Variants in GRK3 observed in about 807,000 individuals in gnomAD.
The protein encoded by GRK3 is G protein-coupled receptor kinase 3, also known as adrenergic, beta, receptor kinase 2.
Under a neutral mutation model 95.7 loss-of-function variants are expected in GRK3, and 54 were observed. That is an observed-to-expected ratio of 0.56 (90% confidence interval 0.45 to 0.71). The LOEUF (loss-of-function observed/expected upper bound fraction) is 0.71. GRK3 is among the 30% of genes least tolerant of loss of function. The probability of loss-of-function intolerance (pLI) is 0.00; values close to 1 mark genes in which losing one functional copy is unlikely to be tolerated. For synonymous variants in GRK3, 281 were observed against 290.8 expected (o/e 0.97, Z 0.34); for missense variants, 649 against 851.2 (o/e 0.76, Z 2.96).
At chr22:25,703,405 G>T (rs2085273547) in intron 13 of GRK3, 105 bp from the exon 14 acceptor site, 2 of 774,968 alleles carry the variant, frequency 2.6e-6, no homozygotes, top group South Asian at 4.0e-5. Flanking sequence ...CTCCAGTTTT[G>T]AATGAATAGT....
At chr22:25,579,681 C>T (rs1408617431) in intron 1 of GRK3, among the ~76,000 whole-genome samples, 2 of 151,874 alleles carry the variant, frequency 1.3e-5, no homozygotes, top group African/African-American at 2.4e-5. Flanking sequence ...ACCGCGTTAG[C>T]CAGGATGGTC....
At position 25,661,605 on chromosome 22, in the gene GRK3, G is replaced by A. The variant is rs2084910015; in HGVS notation, c.294G>A (p.Glu98=). The A allele has an allele frequency of 6.2e-6, 10 of 1,612,682 alleles. No individual in the cohort carries two copies. In the South Asian group the frequency reaches 8.8e-5, roughly 14 times the overall value. ...EIKEYEKLDN[E]EDRLCRSRQI... ...AGGAATATGAAAAACTTGATAATGA[G>A]GAAGACCGCCTTTGCAGAAGTCGAC... The change falls in exon 4 of 21, where the codon GAG becomes GAA. Residue 98 remains glutamate, a synonymous_variant. Coordinates refer to ENST00000324198, the MANE Select transcript of GRK3 (RefSeq NM_005160.4).
chr22:25,631,301 A>G (rs2084662446), intron 2 of GRK3, among the ~76,000 whole-genome samples: 1 of 152,224 alleles, frequency 6.6e-6, no homozygotes, highest in African/African-American at 2.4e-5. Flanking sequence ...CCTCTGTATT[A>G]CCAAGAACCT....
chr22:25,619,774 C>T (rs974009369), intron 2 of GRK3, among the ~76,000 whole-genome samples: 2 of 150,500 alleles, frequency 1.3e-5, no homozygotes, highest in African/African-American at 2.4e-5. Flanking sequence ...TTATGAGCCA[C>T]TGAGCCAGAC....
chr22:25,586,590 C>CAG (rs1226002399), intron 1 of GRK3, among the ~76,000 whole-genome samples: 1 of 152,276 alleles, frequency 6.6e-6, no homozygotes, highest in Non-Finnish European at 1.5e-5. Flanking sequence ...GCAGTAGGAA[C>CAG]AGAGGTGGGA....
chr22:25,721,231 A>T, intron 19 of GRK3, 53 bp from the exon 20 acceptor site: 4 of 1,002,662 alleles, frequency 4.0e-6, no homozygotes, highest in Non-Finnish European at 6.0e-6. Context: ...TGGTATTACT[A>T]CTTAAGAAAT....
intron 13 of GRK3, among the ~76,000 whole-genome samples, chr22:25,698,147 A>G (rs2085225613): frequency 6.9e-6 from 1 of 143,900 alleles, no homozygotes; most frequent in African/African-American, 2.6e-5. Context: ...GGGAGGAAGG[A>G]AGGAAGGAAG....
chr22:25,668,611 T>A (rs2084958205), intron 6 of GRK3, among the ~76,000 whole-genome samples: 2 of 152,258 alleles, frequency 1.3e-5, no homozygotes, highest in East Asian at 1.9e-4. Context: ...GTTGGGAAAC[T>A]AATATTCTTA....
At chr22:25,583,811 A>C (rs1932189091) in intron 1 of GRK3, among the ~76,000 whole-genome samples, 1 of 152,238 alleles carries the variant, frequency 6.6e-6, no homozygotes, top group South Asian at 2.1e-4. Context: ...GCTGTGGCAA[A>C]GATTTGATTC....
At chr22:25,690,101 T>G in intron 11 of GRK3, 88 bp from the exon 12 acceptor site, 1 of 862,864 alleles carries the variant, frequency 1.2e-6, no homozygotes, top group Non-Finnish European at 1.9e-6. Context: ...GATAAAATAG[T>G]GAGATATCAG....
intron 1 of GRK3, among the ~76,000 whole-genome samples, chr22:25,570,686 G>T (rs1931664892): frequency 6.6e-6 from 1 of 152,184 alleles, no homozygotes; most frequent in South Asian, 2.1e-4. Flanking sequence ...TGTATGGTAA[G>T]TAATTTGCAT....
chr22:25,631,843 T>C (rs2084666336), intron 2 of GRK3, among the ~76,000 whole-genome samples: 1 of 152,216 alleles, frequency 6.6e-6, no homozygotes, highest in Non-Finnish European at 1.5e-5. Context: ...ACTTAGCATG[T>C]AACCTTTTGT....
At chr22:25,599,436 CA>C (rs2084394051) in intron 1 of GRK3, among the ~76,000 whole-genome samples, 2 of 151,726 alleles carry the variant, frequency 1.3e-5, no homozygotes, top group African/African-American at 4.8e-5. Context: ...ACTAAAAATA[CA>C]AAATATTAGC....
At chr22:25,636,994 A>G (rs1207573695) in intron 2 of GRK3, among the ~76,000 whole-genome samples, 1 of 152,190 alleles carries the variant, frequency 6.6e-6, no homozygotes, top group Non-Finnish European at 1.5e-5. Context: ...ATCAGTGTAA[A>G]AAGATCCACC....
chr22:25,565,247 C>G (rs1931421158), intron 1 of GRK3, 94 bp downstream of exon 1: 2 of 523,252 alleles, frequency 3.8e-6, no homozygotes, highest in South Asian at 2.8e-5. Flanking sequence ...CGCTGAGCCT[C>G]CGCTGCCCCG....
chr22:25,694,622 T>A (rs1361562216), intron 12 of GRK3, among the ~76,000 whole-genome samples: 1 of 152,168 alleles, frequency 6.6e-6, no homozygotes, highest in African/African-American at 2.4e-5. Flanking sequence ...TTGGTGACCA[T>A]GACCAAGCCG....
chr22:25,717,874 G>T (rs569472046), intron 18 of GRK3, among the ~76,000 whole-genome samples: 2 of 152,170 alleles, frequency 1.3e-5, no homozygotes, highest in African/African-American at 4.8e-5. Context: ...CCAACCCCAC[G>T]TAAAGGCGAA....
chr22:25,694,161 G>T (rs952047985), intron 12 of GRK3, among the ~76,000 whole-genome samples: 2 of 152,144 alleles, frequency 1.3e-5, no homozygotes, highest in African/African-American at 4.8e-5. Context: ...TGCTGTATGT[G>T]GCCCCATGAC....
chr22:25,688,772 T>C (rs1265873910), intron 11 of GRK3, among the ~76,000 whole-genome samples: 1 of 152,224 alleles, frequency 6.6e-6, no homozygotes, highest in African/African-American at 2.4e-5. Flanking sequence ...CTCACCTAGT[T>C]GTATGGCCAA....
Sources: allele counts gnomAD v4.1 joint callset (sites outside exome capture counted in the v4.1 genomes callset), GRCh38; gene constraint gnomAD v4.1.1; transcripts MANE v1.5; gene names NCBI Gene and HGNC (gene_info 2026-07-23, HGNC 2026-07-21).